Variants in SMAGP observed in about 807,000 individuals in gnomAD.
The protein encoded by SMAGP is small cell transmembrane and glycosylated protein.
SMAGP carries 7 observed loss-of-function variants against 10.1 expected under a neutral mutation model. The observed-to-expected ratio is 0.70, with a 90% CI of 0.40 to 1.31. The LOEUF is 1.31. SMAGP is among the 50% of genes most tolerant of loss of function. The pLI, the probability that SMAGP is intolerant of heterozygous loss-of-function variation, is 0.01. For synonymous variants in SMAGP, 49 were observed against 47.2 expected (o/e 1.04, Z -0.16); for missense variants, 113 against 116.5 (o/e 0.97, Z 0.14).
At chr12:51,259,462 T>G (rs947977385) in intron 2 of SMAGP, among the ~76,000 whole-genome samples, 1 of 152,092 alleles carries the variant, frequency 6.6e-6, no homozygotes, top group African/African-American at 2.4e-5. Flanking sequence ...ACTAGTAAAC[T>G]GATAAACACA....
intron 2 of SMAGP, 56 bp downstream of exon 2, chr12:51,269,189 G>A: frequency 1.2e-6 from 2 of 1,600,590 alleles, no homozygotes; most frequent in Non-Finnish European, 1.7e-6. Flanking sequence ...ACTGGTCTGG[G>A]GAAGGGGATG....
At chr12:51,263,543 A>G (rs1428458716) in intron 2 of SMAGP, among the ~76,000 whole-genome samples, 1 of 152,210 alleles carries the variant, frequency 6.6e-6, no homozygotes, top group African/African-American at 2.4e-5. Flanking sequence ...ACCTGAGGCC[A>G]GGAGTTTGAG....
At chr12:51,256,779 A>C (rs1242129323) in intron 2 of SMAGP, among the ~76,000 whole-genome samples, 4 of 51,298 alleles carry the variant, frequency 7.8e-5, no homozygotes, top group South Asian at 9.7e-4. Flanking sequence ...CCCCCCACCC[A>C]AAAAAAGATA....
chr12:51,253,015 G>C (rs1944854432), intron 2 of SMAGP, among the ~76,000 whole-genome samples: 1 of 152,148 alleles, frequency 6.6e-6, no homozygotes, highest in South Asian at 2.1e-4. Flanking sequence ...CTGAGAAAGA[G>C]AAAGGGGTCG....
rs1944752341 is a variant in SMAGP at position 51,245,320 on chromosome 12, A to G, written c.*621T>C. ...AATGTTTAAGCAAAAATAAGTCAAA[A>G]TGTAGTTACTTCTTGCACATGAGAA... On this transcript the variant is annotated 3_prime_UTR_variant, in exon 4 of 4. Transcript: ENST00000603798. 1 of 152,622 alleles carries G rather than the reference A, an allele frequency of 6.6e-6. No homozygotes were observed. Among genetic ancestry groups the G allele is most frequent in the East Asian group, 1.9e-4 (1 of 5,200 alleles). 9.5% of individuals were successfully genotyped at this position (152,622 alleles called of 1,614,324 possible).
At chr12:51,265,260 G>C (rs1944964450) in intron 2 of SMAGP, among the ~76,000 whole-genome samples, 1 of 152,176 alleles carries the variant, frequency 6.6e-6, no homozygotes, top group Non-Finnish European at 1.5e-5. Context: ...TTTATGCATT[G>C]CTGGTAGGAA....
intron 2 of SMAGP, among the ~76,000 whole-genome samples, chr12:51,266,683 G>A (rs1457995144): frequency 6.6e-6 from 1 of 152,156 alleles, no homozygotes; most frequent in Non-Finnish European, 1.5e-5. Context: ...TATAGATGGG[G>A]TTCAGTACTA....
chr12:51,262,915 C>G (rs939175098), intron 2 of SMAGP, among the ~76,000 whole-genome samples: 4 of 152,242 alleles, frequency 2.6e-5, no homozygotes, highest in East Asian at 1.9e-4. Context: ...GGGAAGCCAC[C>G]CTGGGACTCG....
intron 2 of SMAGP, chr12:51,251,600 A>C (rs1014167935): frequency 6.6e-6 from 1 of 151,880 alleles, no homozygotes; most frequent in Non-Finnish European, 1.5e-5. Context: ...CAGAAAAAAA[A>C]AAAAAAAGAA....
At chr12:51,254,153 A>G (rs1417737428) in intron 2 of SMAGP, among the ~76,000 whole-genome samples, 1 of 152,198 alleles carries the variant, frequency 6.6e-6, no homozygotes, top group Non-Finnish European at 1.5e-5. Flanking sequence ...TGTACACTTG[A>G]AAATGGTTAA....
At chr12:51,263,531 T>A (rs1944947232) in intron 2 of SMAGP, among the ~76,000 whole-genome samples, 1 of 152,150 alleles carries the variant, frequency 6.6e-6, no homozygotes. Flanking sequence ...GATGGGAGGA[T>A]CACCTGAGGC....
chr12:51,246,500 C>T (rs1944771386), intron 3 of SMAGP: 1 of 448,222 alleles, frequency 2.2e-6, no homozygotes, highest in South Asian at 4.7e-5. Context: ...CGTCCCTACC[C>T]ACGTACTCAA....
At chr12:51,264,195 G>C (rs1336439590) in intron 2 of SMAGP, among the ~76,000 whole-genome samples, 1 of 152,138 alleles carries the variant, frequency 6.6e-6, no homozygotes, top group Non-Finnish European at 1.5e-5. Context: ...CTGGCCTTTA[G>C]TGATCCCATC....
chr12:51,249,136 C>A (rs1944812541), intron 2 of SMAGP, among the ~76,000 whole-genome samples: 1 of 152,066 alleles, frequency 6.6e-6, no homozygotes, highest in Non-Finnish European at 1.5e-5. Context: ...CAGAAGTTCC[C>A]GGAGGGTGAC....
intron 2 of SMAGP, among the ~76,000 whole-genome samples, chr12:51,256,583 G>A (rs1234085545): frequency 2.0e-5 from 3 of 152,090 alleles, no homozygotes; most frequent in African/African-American, 7.2e-5. Context: ...TAGCCGGGGT[G>A]GTGGCGCATG....
At position 51,245,836 on chromosome 12, in the gene SMAGP, C is replaced by T; in HGVS notation, c.*105G>A. On this transcript the variant is annotated 3_prime_UTR_variant, in exon 4 of 4. Coordinates refer to ENST00000603798, the MANE Select transcript of SMAGP (RefSeq NM_001031628.2). Reference sequence around the variant, plus strand: ...CCTGGCTGGAGCTTGGATTTGCCCACATCAATCAATGCTTCTCCCTGGCTT... The same window carrying T: ...CCTGGCTGGAGCTTGGATTTGCCCATATCAATCAATGCTTCTCCCTGGCTT... 7.5e-7 allele frequency: 1 copy of T among 1,340,730 alleles called. No individual in the cohort carries two copies. The highest frequency in any genetic ancestry group is 1.0e-6 in the Non-Finnish European group (1 of 985,860). The allele number at this position is 1,340,730 out of a possible 1,614,324, so 83.1% of individuals were successfully genotyped here. A position where few individuals can be genotyped will look rare whatever the true frequency, so the allele number is the denominator to read the frequency against.
intron 2 of SMAGP, among the ~76,000 whole-genome samples, chr12:51,259,487 G>T (rs1490352246): frequency 2.6e-5 from 4 of 152,142 alleles, no homozygotes; most frequent in Non-Finnish European, 5.9e-5. Context: ...CATTTCAAAT[G>T]ACTGAAGAAA....
chr12:51,246,092 A>G lies in SMAGP; in HGVS notation c.143T>C (p.Leu48Pro), dbSNP rs746151850. 1 of 1,613,996 alleles carries G rather than the reference A, an allele frequency of 6.2e-7. No individual in the cohort carries two copies. The highest frequency in any genetic ancestry group is 1.1e-5 in the South Asian group (1 of 91,084). The change falls in exon 4 of 4, where the codon CTG becomes CCG. Residue 48 changes from leucine to proline, a missense_variant. Leu to Pro is a moderately conservative substitution (Grantham distance 98). Coordinates refer to ENST00000603798, the MANE Select transcript of SMAGP (RefSeq NM_001031628.2). ...GAAGATCAAGATCACGACCGAGAGC[A>G]GGGTGAGGAAGACAACGGTGATAAC... ...AVVITVVFLT[L>P]LSVVILIFFY...
rs1944750116 is a variant in SMAGP, at chr12:51,245,179, A to G, written c.*762T>C. On this transcript the variant is annotated 3_prime_UTR_variant, in exon 4 of 4. Transcript: ENST00000603798. ...CCCCTGGAACAAGCTTTCCTGCACC[A>G]TCTTTGTCTCAAATCCCTGAGATAG... The G allele has an allele frequency of 6.6e-6, 1 of 152,100 alleles. No homozygotes were observed. Among genetic ancestry groups the G allele is most frequent in the Non-Finnish European group, 1.5e-5 (1 of 68,028 alleles). The allele number at this position is 152,100 out of a possible 1,614,324, so 9.4% of individuals were successfully genotyped here.
Sources: allele counts gnomAD v4.1 joint callset (sites outside exome capture counted in the v4.1 genomes callset), GRCh38; gene constraint gnomAD v4.1.1; transcripts MANE v1.5; gene names NCBI Gene and HGNC (gene_info 2026-07-23, HGNC 2026-07-21).